Variants in CASD1 observed in about 807,000 individuals in gnomAD.
CASD1 encodes CAS1 domain sialic acid O acetyltransferase 1.
CASD1 carries 41 observed loss-of-function variants against 100.0 expected under a neutral mutation model. The ratio of observed to expected loss-of-function variants is 0.41; its 90% CI spans 0.32 to 0.53. The LOEUF is 0.53. CASD1 is among the 20% of genes least tolerant of loss of function. The pLI, the probability that CASD1 is intolerant of heterozygous loss-of-function variation, is 0.25. For synonymous variants in CASD1, 321 were observed against 315.6 expected (o/e 1.02, Z -0.18); for missense variants, 774 against 948.7 (o/e 0.82, Z 2.42).
At chr7:94,570,057 C>T in the CASD1 span, among the ~76,000 whole-genome samples, 3 of 152,096 alleles carry the variant, frequency 2.0e-5, no homozygotes, top group African/African-American at 4.8e-5. Flanking sequence ...TTGTGATCCG[C>T]CTGCCTCAGC....
chr7:94,630,220 A>AT, the CASD1 span, among the ~76,000 whole-genome samples: 2 of 151,842 alleles, frequency 1.3e-5, no homozygotes, highest in South Asian at 2.1e-4. Context: ...ATTGCTACAG[A>AT]TTTTTTTCTT....
intron 15 of CASD1, 137 bp downstream of exon 15, chr7:94,551,615 C>A: frequency 3.0e-6 from 1 of 334,094 alleles, no homozygotes; most frequent in Non-Finnish European, 5.0e-6. Flanking sequence ...AATTTTAATA[C>A]TTCTCTCCCA....
Position 94,547,028 on chromosome 7 carries a change from TAG to T in CASD1, c.1634-63_1634-62del, listed in dbSNP as rs879052989. 64 of 944,910 alleles carry T rather than the reference TAG, an allele frequency of 6.8e-5. 2 individuals carry two copies. The South Asian group carries it at 9.5e-4, about 14-fold the overall frequency. 58.5% of individuals were successfully genotyped at this position (944,910 alleles called of 1,614,324 possible). ...CTATTCAGCATGTACATATATCAAATAGAGAGTATTTAATATGTTGTCTAATA... is the reference window on the plus strand; with the variant it reads ...CTATTCAGCATGTACATATATCAAATAGAGTATTTAATATGTTGTCTAATA... On this transcript the variant is annotated intron_variant, in intron 12 of 17. Coordinates refer to ENST00000297273, the MANE Select transcript of CASD1 (RefSeq NM_022900.5).
intron 8 of CASD1, among the ~76,000 whole-genome samples, chr7:94,536,341 G>A (rs532486585): frequency 6.6e-6 from 1 of 152,174 alleles, no homozygotes; most frequent in East Asian, 1.9e-4. Flanking sequence ...TATGGAAAGG[G>A]ATTTAGGTTA....
intron 12 of CASD1, among the ~76,000 whole-genome samples, chr7:94,545,912 T>G (rs554655645): frequency 6.6e-6 from 1 of 152,152 alleles, no homozygotes; most frequent in South Asian, 2.1e-4. Context: ...GAATAATAGT[T>G]TACATTATAT....
At chr7:94,563,043 C>T in the CASD1 span, among the ~76,000 whole-genome samples, 1 of 152,118 alleles carries the variant, frequency 6.6e-6, no homozygotes, top group Non-Finnish European at 1.5e-5. Context: ...TCCTTATGCT[C>T]AACCCTATCT....
the CASD1 span, chr7:94,620,823 G>C: frequency 6.6e-6 from 1 of 152,220 alleles, no homozygotes; most frequent in African/African-American, 2.4e-5. Context: ...GAGGCTTTGA[G>C]CTGGGCAGCT....
At chr7:94,561,649 C>A (rs1796341702), downstream of CASD1, among the ~76,000 whole-genome samples, 2 of 151,874 alleles carry the variant, frequency 1.3e-5, no homozygotes, top group African/African-American at 4.8e-5. Context: ...AGAGTATTCT[C>A]TCAGAAACTA....
At chr7:94,578,667 A>G in the CASD1 span, among the ~76,000 whole-genome samples, 1 of 152,194 alleles carries the variant, frequency 6.6e-6, no homozygotes, top group South Asian at 2.1e-4. Context: ...CAGACCTGAG[A>G]TCTGGTGCAA....
chr7:94,540,516 G>T (rs1279199847), intron 10 of CASD1, among the ~76,000 whole-genome samples: 1 of 152,142 alleles, frequency 6.6e-6, no homozygotes, highest in African/African-American at 2.4e-5. Context: ...AGAAGTCAGA[G>T]AAATGAAGTA....
At chr7:94,610,735 A>G in the CASD1 span, among the ~76,000 whole-genome samples, 1 of 152,210 alleles carries the variant, frequency 6.6e-6, no homozygotes, top group African/African-American at 2.4e-5. Flanking sequence ...AATAGGAGAA[A>G]ATAACTGCAA....
At chr7:94,616,149 C>A in the CASD1 span, among the ~76,000 whole-genome samples, 5 of 152,112 alleles carry the variant, frequency 3.3e-5, no homozygotes, top group African/African-American at 1.2e-4. Flanking sequence ...TCAGATGCTG[C>A]AGGTTGGGCT....
chr7:94,549,671 T>G (rs1795851184), intron 14 of CASD1, 37 bp downstream of exon 14: 1 of 1,467,414 alleles, frequency 6.8e-7, no homozygotes, highest in Admixed American at 1.9e-5. Flanking sequence ...TCATTTCAAA[T>G]TATACTGTTG....
At chr7:94,605,774 AAAAC>A in the CASD1 span, among the ~76,000 whole-genome samples, 3 of 152,152 alleles carry the variant, frequency 2.0e-5, no homozygotes, top group Admixed American at 6.5e-5. Flanking sequence ...ATAGAAACAA[AAAAC>A]AAAGGCAACA....
At chr7:94,585,690 G>T in the CASD1 span, among the ~76,000 whole-genome samples, 3 of 152,062 alleles carry the variant, frequency 2.0e-5, no homozygotes, top group South Asian at 6.2e-4. Context: ...GAAAACAAAA[G>T]AAAAAATTCT....
chr7:94,510,150 C>G lies in CASD1; in HGVS notation c.66C>G (p.Ala22=), dbSNP rs1291285397. The G allele has an allele frequency of 3.3e-6, 5 of 1,529,808 alleles. No homozygotes were observed. In the Admixed American group the frequency reaches 1.0e-4, roughly 31 times the overall value. The allele number at this position is 1,529,808 out of a possible 1,614,324, so 94.8% of individuals were successfully genotyped here. ...ACCACTACTTCAGCGTGAGGAGCGC[C>G]AAGGTGCTGGCGCTGGTGGCCGTGC... The part of the protein sequence containing the change: ...EINHYFSVRS[A]KVLALVAVLL... The change falls in exon 1 of 18, where the codon GCC becomes GCG. Residue 22 remains alanine, a synonymous_variant. Coordinates refer to ENST00000297273, the MANE Select transcript of CASD1 (RefSeq NM_022900.5).
the CASD1 span, chr7:94,620,453 G>A: frequency 1.2e-4 from 18 of 152,042 alleles, no homozygotes; most frequent in South Asian, 6.2e-4. Flanking sequence ...AATAAATTTC[G>A]TTTTATAGAC....
chr7:94,510,018 C>G lies in CASD1; in HGVS notation c.-67C>G. ...TCGCCTGGCTGCAGCGGCGGCAGCC[C>G]CAGTGCTGCCCCTGTGCGGCGCCCC... On this transcript the variant is annotated 5_prime_UTR_variant, in exon 1 of 18. Transcript: ENST00000297273. The G allele has an allele frequency of 7.2e-7, 1 of 1,384,954 alleles. No homozygotes were observed. The highest frequency in any genetic ancestry group is 1.7e-5 in the South Asian group (1 of 60,272). The allele number at this position is 1,384,954 out of a possible 1,614,324, so 85.8% of individuals were successfully genotyped here. A position where few individuals can be genotyped will look rare whatever the true frequency, so the allele number is the denominator to read the frequency against.
At position 94,551,359 on chromosome 7, in the gene CASD1, T is replaced by A. The variant is rs1342503165; in HGVS notation, c.1837T>A (p.Phe613Ile). ...DRYVVFHGML[F>I]AFIYLALQKR... ...TCAGGTAGTTTTCCACGGAATGCTG[T>A]TTGCTTTTATTTATCTGGCTTTGCA... Residue 613 changes from phenylalanine to isoleucine, a missense_variant, in exon 15 of 18, where the codon TTT becomes ATT. Transcript: ENST00000297273. 3.2e-5 allele frequency: 49 copies of A among 1,539,864 alleles called. No homozygotes were observed. The highest frequency in any genetic ancestry group is 4.3e-5 in the Non-Finnish European group (49 of 1,152,028).
Sources: allele counts gnomAD v4.1 joint callset (sites outside exome capture counted in the v4.1 genomes callset), GRCh38; gene constraint gnomAD v4.1.1; transcripts MANE v1.5; gene names NCBI Gene and HGNC (gene_info 2026-07-23, HGNC 2026-07-21).